The following SEMA6D variants were observed in gnomAD, a reference collection of about 807,000 sequenced individuals.
SEMA6D encodes semaphorin 6D.
SEMA6D carries 35 observed loss-of-function variants against 106.6 expected under a neutral mutation model. The observed-to-expected ratio is 0.33, with a 90% CI of 0.25 to 0.44. The LOEUF (loss-of-function observed/expected upper bound fraction) is 0.44. Among genes scored for constraint, SEMA6D ranks in the 20% least tolerant of loss-of-function variants. The pLI, the probability that SEMA6D is intolerant of heterozygous loss-of-function variation, is 1.00. For missense variants in SEMA6D, 1,185 were observed against 1,345.9 expected (o/e 0.88, Z 1.87); for synonymous variants, 499 against 487.7 (o/e 1.02, Z -0.31).
chr15:47,714,265 A>G (rs189147539), upstream of SEMA6D, among the ~76,000 whole-genome samples: 1 of 152,290 alleles, frequency 6.6e-6, no homozygotes, highest in East Asian at 1.9e-4. Flanking sequence ...TTCAACTCCT[A>G]CTTGCTTACT....
intron 1 of SEMA6D, among the ~76,000 whole-genome samples, chr15:47,369,848 A>G (rs1394610898): frequency 6.6e-6 from 1 of 152,252 alleles, no homozygotes; most frequent in Admixed American, 6.5e-5. Context: ...TGCAAAATAA[A>G]TATGAAAATA....
At chr15:47,648,763 A>C (rs1366643830) in intron 4 of SEMA6D, among the ~76,000 whole-genome samples, 1 of 152,182 alleles carries the variant, frequency 6.6e-6, no homozygotes, top group African/African-American at 2.4e-5. Context: ...TATAGCTCAC[A>C]TTTATTTCAG....
intron 4 of SEMA6D, among the ~76,000 whole-genome samples, chr15:47,640,547 G>A (rs950965914): frequency 3.3e-5 from 5 of 152,134 alleles, no homozygotes; most frequent in Non-Finnish European, 5.9e-5. Flanking sequence ...CAGTACTCTC[G>A]AAACAGCTTC....
At chr15:47,443,331 A>T (rs1385723393) in intron 2 of SEMA6D, among the ~76,000 whole-genome samples, 2 of 152,146 alleles carry the variant, frequency 1.3e-5, no homozygotes, top group Non-Finnish European at 2.9e-5. Context: ...GATGCAATGC[A>T]GTTTCCACTT....
rs1248381187 is a variant in SEMA6D, at chr15:47,227,901, TAA to T, written c.-239+43484_-239+43485del. Reference sequence around the variant, plus strand: ...AAGAATCATATATATTTTATATATATAAGAATCTTATATATATTTTATATATA... The same window carrying T: ...AAGAATCATATATATTTTATATATATGAATCTTATATATATTTTATATATA... On this transcript the variant is annotated intron_variant, in intron 1 of 19. Coordinates refer to the SEMA6D transcript ENST00000558014. Among the ~76,000 whole-genome samples, 12 of 143,298 alleles carry T rather than the reference TAA, an allele frequency of 8.4e-5. No homozygotes were observed. The East Asian group carries it at 3.0e-3, about 36-fold the overall frequency. 94.0% of individuals were successfully genotyped at this position (143,298 alleles called of 152,430 possible). A position where few individuals can be genotyped will look rare whatever the true frequency, so the allele number is the denominator to read the frequency against.
At chr15:47,741,767 T>C (rs554835222) in intron 1 of SEMA6D, among the ~76,000 whole-genome samples, 1 of 152,284 alleles carries the variant, frequency 6.6e-6, no homozygotes, top group East Asian at 1.9e-4. Flanking sequence ...GCAAAGTCTC[T>C]TCTGTTAGTA....
chr15:47,436,419 G>A (rs2041704554), intron 2 of SEMA6D, among the ~76,000 whole-genome samples: 1 of 151,414 alleles, frequency 6.6e-6, no homozygotes, highest in African/African-American at 2.4e-5. Context: ...AAAGACTTTG[G>A]CTGTATTAAT....
chr15:47,549,443 T>G (rs1259756445), intron 3 of SEMA6D, among the ~76,000 whole-genome samples: 1 of 152,170 alleles, frequency 6.6e-6, no homozygotes, highest in Non-Finnish European at 1.5e-5. Context: ...TCTGCTTATT[T>G]CCTGTGAAAC....
intron 1 of SEMA6D, among the ~76,000 whole-genome samples, chr15:47,374,109 G>A (rs2039368467): frequency 6.6e-6 from 1 of 152,148 alleles, no homozygotes; most frequent in Admixed American, 6.5e-5. Context: ...ACATTCGCTG[G>A]AGCTCCCAAC....
intron 3 of SEMA6D, among the ~76,000 whole-genome samples, chr15:47,575,957 G>C (rs1763776831): frequency 6.6e-6 from 1 of 152,136 alleles, no homozygotes; most frequent in Non-Finnish European, 1.5e-5. Flanking sequence ...TACTGGTTTG[G>C]CTGGAAAAGG....
intron 4 of SEMA6D, among the ~76,000 whole-genome samples, chr15:47,609,240 C>A (rs995325615): frequency 6.6e-6 from 1 of 152,188 alleles, no homozygotes; most frequent in East Asian, 1.9e-4. Context: ...TTACATAGAT[C>A]TTAATAAATA....
chr15:47,259,156 A>C (rs968058494), intron 1 of SEMA6D, among the ~76,000 whole-genome samples: 4 of 152,252 alleles, frequency 2.6e-5, no homozygotes, highest in African/African-American at 7.2e-5. Flanking sequence ...GTGTCAGATG[A>C]AGTTATAACC....
chr15:47,469,880 A>G (rs2042779038), intron 2 of SEMA6D, among the ~76,000 whole-genome samples: 1 of 152,198 alleles, frequency 6.6e-6, no homozygotes, highest in African/African-American at 2.4e-5. Context: ...ACCATTTTAT[A>G]AGGAAATACT....
chr15:47,470,252 A>G (rs1210294431), intron 2 of SEMA6D, among the ~76,000 whole-genome samples: 1 of 152,070 alleles, frequency 6.6e-6, no homozygotes, highest in Non-Finnish European at 1.5e-5. Context: ...TAACCATGCC[A>G]TATGTTTTGT....
chr15:47,562,277 C>A (rs567404931), intron 3 of SEMA6D, among the ~76,000 whole-genome samples: 46 of 152,090 alleles, frequency 3.0e-4, no homozygotes, highest in African/African-American at 1.1e-3. Context: ...TAGATCCTTA[C>A]ATTCACTATG....
chr15:47,238,099 T>A (rs1427977759), intron 1 of SEMA6D, among the ~76,000 whole-genome samples: 1 of 152,146 alleles, frequency 6.6e-6, no homozygotes, highest in East Asian at 1.9e-4. Flanking sequence ...ATGTTCTTTT[T>A]TGCTGTAGTG....
intron 3 of SEMA6D, among the ~76,000 whole-genome samples, chr15:47,483,358 C>T (rs1434544550): frequency 6.6e-6 from 1 of 152,140 alleles, no homozygotes; most frequent in African/African-American, 2.4e-5. Context: ...ACCTTGTCAC[C>T]TTCCAGGAAA....
At chr15:47,727,255 C>G (rs2079816296) in intron 1 of SEMA6D, among the ~76,000 whole-genome samples, 1 of 152,212 alleles carries the variant, frequency 6.6e-6, no homozygotes, top group Non-Finnish European at 1.5e-5. Flanking sequence ...TAAATTTCCT[C>G]ACAATCATAT....
intron 1 of SEMA6D, among the ~76,000 whole-genome samples, chr15:47,305,995 CTTTTT>C (rs1378207151): frequency 6.8e-6 from 1 of 146,850 alleles, no homozygotes; most frequent in East Asian, 2.0e-4. Context: ...TTCTTTTTTT[CTTTTT>C]GAGATGGAGT....
Sources: allele counts gnomAD v4.1 joint callset (sites outside exome capture counted in the v4.1 genomes callset), GRCh38; gene constraint gnomAD v4.1.1; transcripts MANE v1.5; gene names NCBI Gene and HGNC (gene_info 2026-07-23, HGNC 2026-07-21).